ADAMTS7: variants seen among roughly 807,000 people sequenced by gnomAD.
ADAMTS7 encodes A disintegrin and metalloproteinase with thrombospondin motifs 7.
A neutral mutation model predicts 172.6 loss-of-function variants in ADAMTS7; 89 were observed. The ratio of observed to expected loss-of-function variants is 0.52; its 90% CI spans 0.43 to 0.61. The LOEUF (loss-of-function observed/expected upper bound fraction) is 0.61. Ranked by LOEUF, ADAMTS7 falls within the 20% of genes least tolerant of loss-of-function variation. ADAMTS7 has a pLI of 0.00. For synonymous variants in ADAMTS7, 885 were observed against 978.4 expected (o/e 0.90, Z 1.78); for missense variants, 1,973 against 2,355.6 (o/e 0.84, Z 3.36).
intron 16 of ADAMTS7, chr15:78,770,546 G>A (rs62012623): frequency 0.2 from 23,224 of 115,734 alleles, 3,435 homozygotes; most frequent in Non-Finnish European, 0.29. Flanking sequence ...GGGGGAGACC[G>A]AGCTGTGAGA....
At chr15:78,774,941 G>T in intron 11 of ADAMTS7, 148 bp from the exon 12 acceptor site, 1 of 1,025,022 alleles carries the variant, frequency 9.8e-7, no homozygotes, top group Non-Finnish European at 1.4e-6. Flanking sequence ...CCCTTGGGCT[G>T]CCCACCCTCT....
rs773521139 is a variant in ADAMTS7 at position 78,797,022 on chromosome 15, C to A, written c.623-236G>T. On this transcript the variant is annotated intron_variant, in intron 3 of 23. Transcript: ENST00000388820. ...GACTAAAAATAGGAATAAATTGCCT[C>A]ACAGGGGGACCTCAAAGGGCAAATG... is the stretch of plus-strand genomic sequence containing the variant. 2.0e-5 allele frequency among the ~76,000 whole-genome samples: 3 copies of A among 152,360 alleles called. No homozygotes were observed. In the East Asian group the frequency reaches 5.8e-4, roughly 29 times the overall value.
rs554065716 is a variant in ADAMTS7, at chr15:78,772,868, G to C, written c.2131+215C>G. ...AAGCCGGGTTGGCCCTATCTGGGGT[G>C]TCTGGGACAGGAGGACTCCCCATGG... On this transcript the variant is annotated intron_variant, in intron 14 of 23. Transcript: ENST00000388820. Among the ~76,000 whole-genome samples the C allele has an allele frequency of 3.3e-3, 503 of 152,366 alleles. 2 individuals are homozygous for C. Among genetic ancestry groups the C allele is most frequent in the African/African-American group, 0.012 (490 of 41,588 alleles).
chr15:78,780,678 C>T (rs1299966053), intron 8 of ADAMTS7, among the ~76,000 whole-genome samples: 1 of 151,870 alleles, frequency 6.6e-6, no homozygotes, highest in African/African-American at 2.4e-5. Context: ...CCCTCCAGTG[C>T]CCCCCCACCA....
intron 1 of ADAMTS7, among the ~76,000 whole-genome samples, chr15:78,805,349 A>G (rs371565564): frequency 6.3e-4 from 96 of 152,348 alleles, no homozygotes; most frequent in African/African-American, 2.2e-3. Context: ...TAAGAATCAC[A>G]TGATCTTGTA....
At chr15:78,792,947 G>A (rs1160218058) in intron 4 of ADAMTS7, among the ~76,000 whole-genome samples, 1 of 152,188 alleles carries the variant, frequency 6.6e-6, no homozygotes, top group Non-Finnish European at 1.5e-5. Context: ...AGTCTAGCAC[G>A]GGGAGAATGC....
chr15:78,800,421 C>T lies in ADAMTS7; in HGVS notation c.227G>A (p.Arg76Gln), dbSNP rs375704895. 1 of 1,609,830 alleles carries T rather than the reference C, an allele frequency of 6.2e-7. No individual in the cohort carries two copies. Among genetic ancestry groups the T allele is most frequent in the Non-Finnish European group, 8.5e-7 (1 of 1,178,426 alleles). The change falls in exon 2 of 24, where the codon CGA becomes CAA. Residue 76 changes from arginine to glutamine, a missense_variant. This residue lies in a region of ADAMTS7 where 306 missense variants were observed against 288.0 expected (regional missense o/e 1.06). Transcript: ENST00000388820. ...TAGCTCGTAGAAGGCGGGCGCGTCT[C>T]GGCGCACAGATACATCCCGCTTGCG... ...ALRKRDVSVRRDAPAFYELQY... is the reference protein window; with the variant it reads ...ALRKRDVSVRQDAPAFYELQY...
At chr15:78,778,636 G>A (rs747606612) in intron 8 of ADAMTS7, among the ~76,000 whole-genome samples, 1 of 152,160 alleles carries the variant, frequency 6.6e-6, no homozygotes, top group East Asian at 1.9e-4. Context: ...CACGACTTGG[G>A]CAGAAACAAT....
chr15:78,770,988 C>G (rs186270631), intron 16 of ADAMTS7, 174 bp downstream of exon 16: 3 of 879,746 alleles, frequency 3.4e-6, no homozygotes, highest in Non-Finnish European at 5.1e-6. Context: ...ACCCTCCCAG[C>G]GGGCCTGGGA....
Position 78,771,558 on chromosome 15 carries a change from C to A in ADAMTS7, c.2376+27G>T. Reference sequence around the variant, plus strand: ...GCCTGGGGACTCCGCCTCTGCTCCCCCCGCCTGGGCCACGGGAGGCAGGCA... The same window carrying A: ...GCCTGGGGACTCCGCCTCTGCTCCCACCGCCTGGGCCACGGGAGGCAGGCA... On this transcript the variant is annotated intron_variant, in intron 15 of 23. Coordinates refer to ENST00000388820, the MANE Select transcript of ADAMTS7 (RefSeq NM_014272.5). This position sits in a 1 kb window ranked among gnomAD's most constrained non-coding sequence, Gnocchi z 4.9. The A allele has an allele frequency of 1.3e-6, 2 of 1,578,320 alleles. No homozygotes were observed. The highest frequency in any genetic ancestry group is 2.3e-5 in the East Asian group (1 of 43,570).
intron 8 of ADAMTS7, among the ~76,000 whole-genome samples, chr15:78,786,466 G>C (rs1399062850): frequency 6.6e-6 from 1 of 152,166 alleles, no homozygotes; most frequent in Admixed American, 6.5e-5. Flanking sequence ...AGGCCCAGAG[G>C]CTGCATTTTC....
chr15:78,803,720 T>C (rs752538023), intron 1 of ADAMTS7, among the ~76,000 whole-genome samples: 2 of 152,234 alleles, frequency 1.3e-5, no homozygotes, highest in Non-Finnish European at 1.5e-5. Context: ...CCAAAAGTGC[T>C]AGGATTACAG....
At chr15:78,790,546 G>A in intron 6 of ADAMTS7, 124 bp downstream of exon 6, 2 of 1,307,426 alleles carry the variant, frequency 1.5e-6, no homozygotes, top group Non-Finnish European at 2.1e-6. Flanking sequence ...GGCCAAAGGT[G>A]CGCAAACTCT....
intron 19 of ADAMTS7, chr15:78,765,193 A>T (rs1351023933): frequency 6.2e-5 from 14 of 225,450 alleles, no homozygotes; most frequent in Non-Finnish European, 1.0e-4. Flanking sequence ...CTGGGGACCC[A>T]GGGAGGGGCA....
Position 78,768,116 on chromosome 15 carries a change from G to T in ADAMTS7, c.2645+17C>A, listed in dbSNP as rs750549948. On this transcript the variant is annotated intron_variant, in intron 17 of 23. Coordinates refer to ENST00000388820, the MANE Select transcript of ADAMTS7 (RefSeq NM_014272.5). ...GGGATGGGGTGGGGAGTTGGCGGGG[G>T]ATGGGGGCGGGCTCACCTGGCAGGG... 2.0e-6 allele frequency: 3 copies of T among 1,470,466 alleles called. No homozygotes were observed. The highest frequency in any genetic ancestry group is 2.4e-5 in the South Asian group (2 of 82,320). 91.1% of individuals were successfully genotyped at this position (1,470,466 alleles called of 1,614,324 possible).
chr15:78,789,652 T>C, intron 7 of ADAMTS7, 37 bp downstream of exon 7: 1 of 1,610,186 alleles, frequency 6.2e-7, no homozygotes, highest in Non-Finnish European at 8.5e-7. Context: ...AGGGTGAAGC[T>C]CGGCTCTCAG....
At position 78,759,456 on chromosome 15, in the gene ADAMTS7, G is replaced by A; in HGVS notation, c.5026C>T (p.Pro1676Ser). The A allele has an allele frequency of 2.5e-6, 4 of 1,596,350 alleles. No individual in the cohort carries two copies. The highest frequency in any genetic ancestry group is 3.4e-6 in the Non-Finnish European group (4 of 1,177,112). Residue 1676 changes from proline (P) to serine (S), a missense_variant, in exon 24 of 24, where the codon CCC (proline) becomes TCC (serine). Around this residue, in one of 8 missense-constraint regions of ADAMTS7, gnomAD observed 94 missense variants for 95.4 expected, o/e 0.99. Transcript: ENST00000388820. ...GCAACCCGCTGATGGCCTCGGGAGG[G>A]GGCGCCGTGGCTGGGCGGAGAGCAC... ...RSCSPPSHGAPSRGHQRVARR is the reference protein window; with the variant it reads ...RSCSPPSHGASSRGHQRVARR
At chr15:78,764,135 T>C (rs759942726) in intron 20 of ADAMTS7, 36 bp from the exon 21 acceptor site, 32 of 1,482,130 alleles carry the variant, frequency 2.2e-5, no homozygotes, top group South Asian at 1.8e-4. Flanking sequence ...CACATCCCCA[T>C]GTGCAGGCCC....
At chr15:78,800,675 C>T (rs537745646) in intron 1 of ADAMTS7, 128 bp from the exon 2 acceptor site, 17 of 817,094 alleles carry the variant, frequency 2.1e-5, no homozygotes, top group African/African-American at 6.9e-5. Flanking sequence ...AAATCCTCGC[C>T]GGGCTATCTA....
Sources: gnomAD v4.1 joint callset for allele counts (sites outside exome capture counted in the v4.1 genomes callset) on GRCh38, gnomAD v4.1.1 for gene constraint, gnomAD v4.1.1 regional missense constraint, Gnocchi (gnomAD v3.1) non-coding constraint, MANE v1.5 for transcripts, NCBI Gene and HGNC (gene_info 2026-07-23, HGNC 2026-07-21) for gene names.